Variants in PCDH9 observed in about 807,000 individuals in gnomAD.
PCDH9 encodes protocadherin-9.
PCDH9 carries 24 observed loss-of-function variants against 70.6 expected under a neutral mutation model. The observed-to-expected ratio is 0.34, with a 90% CI of 0.25 to 0.48. The LOEUF (loss-of-function observed/expected upper bound fraction) is 0.48, where lower values mean the gene tolerates loss of function less well. Ranked by LOEUF, PCDH9 falls within the 20% of genes least tolerant of loss-of-function variation. The probability of loss-of-function intolerance (pLI) is 0.99; values close to 1 mark genes in which losing one functional copy is unlikely to be tolerated. For synonymous variants in PCDH9, 562 were observed against 558.5 expected (o/e 1.01, Z -0.09); for missense variants, 1,281 against 1,503.6 (o/e 0.85, Z 2.45).
At chr13:66,700,204 T>C (rs1441468921) in intron 3 of PCDH9, among the ~76,000 whole-genome samples, 1 of 152,136 alleles carries the variant, frequency 6.6e-6, no homozygotes, top group African/African-American at 2.4e-5. Context: ...TCGCTATTTG[T>C]AATGCAATAA....
intron 2 of PCDH9, among the ~76,000 whole-genome samples, chr13:67,022,956 G>C (rs779174013): frequency 6.6e-6 from 1 of 152,168 alleles, no homozygotes; most frequent in African/African-American, 2.4e-5. Flanking sequence ...GGTTCTGCAG[G>C]TGTACAGGTC....
intron 4 of PCDH9, among the ~76,000 whole-genome samples, chr13:66,487,245 G>T (rs1237525523): frequency 6.6e-6 from 1 of 152,148 alleles, no homozygotes; most frequent in East Asian, 1.9e-4. Flanking sequence ...CTCTCAATAT[G>T]AACTGAGTAT....
At chr13:66,604,390 A>T (rs2077197987) in intron 4 of PCDH9, among the ~76,000 whole-genome samples, 1 of 152,120 alleles carries the variant, frequency 6.6e-6, no homozygotes, top group African/African-American at 2.4e-5. Context: ...GTGTGCACAC[A>T]TTTATTTTCA....
intron 3 of PCDH9, among the ~76,000 whole-genome samples, chr13:66,803,463 C>A (rs1029701127): frequency 9.9e-5 from 15 of 152,254 alleles, no homozygotes; most frequent in Non-Finnish European, 2.1e-4. Flanking sequence ...CCTCACCAGG[C>A]ACTTAATGCC....
intron 3 of PCDH9, among the ~76,000 whole-genome samples, chr13:66,653,973 TA>T (rs59143528): frequency 1.6e-5 from 2 of 128,470 alleles, no homozygotes; most frequent in African/African-American, 5.7e-5. Flanking sequence ...GTCTCAAAAT[TA>T]AAAAAAAAAA....
At chr13:67,108,935 A>G (rs996368170) in intron 2 of PCDH9, among the ~76,000 whole-genome samples, 4 of 152,214 alleles carry the variant, frequency 2.6e-5, no homozygotes, top group Admixed American at 2.0e-4. Context: ...TGATTTTAAC[A>G]GTTTGGCTCA....
chr13:66,554,774 C>T (rs1017883791), intron 4 of PCDH9, among the ~76,000 whole-genome samples: 3 of 151,798 alleles, frequency 2.0e-5, no homozygotes, highest in African/African-American at 7.3e-5. Context: ...AACATATTAG[C>T]AAATTAAAGG....
chr13:66,867,598 ATAAT>A (rs1369752102), intron 3 of PCDH9, among the ~76,000 whole-genome samples: 3 of 152,158 alleles, frequency 2.0e-5, no homozygotes, highest in Admixed American at 2.0e-4. Flanking sequence ...GGAACGAAAA[ATAAT>A]TTATTAACCC....
intron 2 of PCDH9, chr13:67,205,564 C>CT (rs1291601806): frequency 2.0e-5 from 3 of 152,110 alleles, no homozygotes; most frequent in African/African-American, 2.4e-5. Context: ...ACACATAAAT[C>CT]TTTTTTATTT....
intron 4 of PCDH9, among the ~76,000 whole-genome samples, chr13:66,467,538 T>C (rs1958539420): frequency 6.6e-6 from 1 of 152,090 alleles, no homozygotes; most frequent in Non-Finnish European, 1.5e-5. Flanking sequence ...TCAGTGTGCA[T>C]ATCCTCAAGC....
chr13:66,386,662 A>G (rs2138256873), intron 4 of PCDH9, among the ~76,000 whole-genome samples: 1 of 152,254 alleles, frequency 6.6e-6, no homozygotes, highest in Admixed American at 6.5e-5. Flanking sequence ...GGTCCATAGA[A>G]ATATTCATAT....
At chr13:66,731,437 C>A (rs986961839) in intron 3 of PCDH9, among the ~76,000 whole-genome samples, 1 of 152,060 alleles carries the variant, frequency 6.6e-6, no homozygotes, top group Non-Finnish European at 1.5e-5. Flanking sequence ...TTAAAGAGTT[C>A]TTGAATTGTG....
At position 66,676,956 on chromosome 13, in the gene PCDH9, C is replaced by G. The variant is rs142027488; in HGVS notation, c.3139-45545G>C. Among the ~76,000 whole-genome samples the G allele has an allele frequency of 3.2e-3, 494 of 152,018 alleles. 1 individual carries two copies. Among genetic ancestry groups the G allele is most frequent in the African/African-American group, 0.011 (472 of 41,458 alleles). ...AAATTTTAAATATCCATTTACATGT[C>G]AATATTGATTCATTTTCCAACTATT... On this transcript the variant is annotated intron_variant, in intron 3 of 4. Coordinates refer to ENST00000377865, the MANE Select transcript of PCDH9 (RefSeq NM_203487.3).
intron 2 of PCDH9, among the ~76,000 whole-genome samples, chr13:66,926,154 A>G (rs2082714866): frequency 6.6e-6 from 1 of 151,978 alleles, no homozygotes; most frequent in African/African-American, 2.4e-5. Context: ...AGTGCCTGGA[A>G]AAAAAATGAA....
chr13:66,338,927 C>G (rs1956081581), intron 4 of PCDH9, among the ~76,000 whole-genome samples: 1 of 151,528 alleles, frequency 6.6e-6, no homozygotes, highest in African/African-American at 2.4e-5. Context: ...TTCCACAAAA[C>G]CAATTTTCAC....
At chr13:66,420,665 A>G (rs1265355891) in intron 4 of PCDH9, among the ~76,000 whole-genome samples, 1 of 152,184 alleles carries the variant, frequency 6.6e-6, no homozygotes, top group East Asian at 1.9e-4. Context: ...GATGAGGCAA[A>G]CCTCCATCCG....
chr13:66,526,083 T>C (rs1960206601), intron 4 of PCDH9, among the ~76,000 whole-genome samples: 1 of 152,106 alleles, frequency 6.6e-6, no homozygotes, highest in African/African-American at 2.4e-5. Context: ...GAGTTCCGGG[T>C]TTGGACATGA....
intron 2 of PCDH9, among the ~76,000 whole-genome samples, chr13:66,921,831 G>T (rs1175789281): frequency 1.3e-5 from 2 of 151,292 alleles, no homozygotes; most frequent in Non-Finnish European, 1.5e-5. Context: ...TATACAAAAC[G>T]ATTCTAAGAG....
At chr13:66,376,494 ATT>A (rs1956748869) in intron 4 of PCDH9, among the ~76,000 whole-genome samples, 1 of 152,170 alleles carries the variant, frequency 6.6e-6, no homozygotes, top group Non-Finnish European at 1.5e-5. Flanking sequence ...CATCATTAAT[ATT>A]GACTTTGACT....
Sources: allele counts gnomAD v4.1 joint callset (sites outside exome capture counted in the v4.1 genomes callset), GRCh38; gene constraint gnomAD v4.1.1; transcripts MANE v1.5; gene names NCBI Gene and HGNC (gene_info 2026-07-23, HGNC 2026-07-21).